The following PCDHGA2 variants were observed in gnomAD, a reference collection of about 807,000 sequenced individuals.
The protein encoded by PCDHGA2 is protocadherin gamma subfamily A, 2.
Under a neutral mutation model 59.2 loss-of-function variants are expected in PCDHGA2, and 40 were observed. That is an observed-to-expected ratio of 0.68 (90% CI 0.52 to 0.88). The LOEUF (loss-of-function observed/expected upper bound fraction) is 0.88. Among genes scored for constraint, PCDHGA2 ranks in the 40% least tolerant of loss-of-function variants. PCDHGA2 has a pLI of 0.00. For missense variants in PCDHGA2, 1,226 were observed against 1,204.0 expected (o/e 1.02, Z -0.27); for synonymous variants, 560 against 526.0 (o/e 1.06, Z -0.89).
chr5:141,469,618 T>C (rs1284372508), intron 1 of PCDHGA2, among the ~76,000 whole-genome samples: 1 of 152,148 alleles, frequency 6.6e-6, no homozygotes, highest in Non-Finnish European at 1.5e-5. Context: ...ATAAAATAAA[T>C]GTTTGTAGTT....
intron 1 of PCDHGA2, among the ~76,000 whole-genome samples, chr5:141,358,590 C>T (rs1250031293): frequency 1.3e-5 from 2 of 152,218 alleles, no homozygotes; most frequent in Non-Finnish European, 2.9e-5. Flanking sequence ...TCCTCTGGTG[C>T]ACTCCTGTGA....
intron 1 of PCDHGA2, among the ~76,000 whole-genome samples, chr5:141,354,849 T>C (rs950733549): frequency 4.6e-5 from 7 of 152,232 alleles, no homozygotes; most frequent in Non-Finnish European, 7.3e-5. Context: ...TCTTGAATTT[T>C]CATTGCAAAT....
chr5:141,492,553 G>C (rs1184580300), intron 1 of PCDHGA2, among the ~76,000 whole-genome samples: 1 of 152,148 alleles, frequency 6.6e-6, no homozygotes, highest in Non-Finnish European at 1.5e-5. Flanking sequence ...CGGGTCGCCT[G>C]GGGGGCGGCC....
intron 1 of PCDHGA2, chr5:141,343,897 A>C (rs763761194): frequency 1.8e-5 from 14 of 780,324 alleles, no homozygotes; most frequent in Admixed American, 1.5e-4. Flanking sequence ...GCGGCTGCCA[A>C]CCTCACCTCT....
intron 1 of PCDHGA2, among the ~76,000 whole-genome samples, chr5:141,472,980 C>CA (rs60579131): frequency 0.042 from 3,623 of 85,966 alleles, 71 homozygotes; most frequent in South Asian, 0.079. Context: ...GAGTGAAACT[C>CA]AAAAAAAAAA....
intron 1 of PCDHGA2, chr5:141,360,147 C>T (rs1381094393): frequency 7.5e-6 from 12 of 1,600,974 alleles, no homozygotes; most frequent in Non-Finnish European, 1.0e-5. Flanking sequence ...TGAAAGCGAG[C>T]TCAGGGAGGT....
At chr5:141,399,376 A>T in intron 1 of PCDHGA2, 1 of 1,613,956 alleles carries the variant, frequency 6.2e-7, no homozygotes, top group Non-Finnish European at 8.5e-7. Context: ...GTACAATGTC[A>T]CCATCACAGC....
intron 1 of PCDHGA2, chr5:141,426,340 C>A: frequency 5.3e-6 from 1 of 190,288 alleles, no homozygotes; most frequent in Non-Finnish European, 1.1e-5. Flanking sequence ...AGCACTCTTC[C>A]CTTTCCTGCT....
chr5:141,371,628 C>G (rs1247615659), intron 1 of PCDHGA2: 1 of 1,614,006 alleles, frequency 6.2e-7, no homozygotes, highest in Non-Finnish European at 8.5e-7. Flanking sequence ...AGCCCTGGAC[C>G]GGGAGCAGAT....
At chr5:141,343,995 T>A (rs375713562) in intron 1 of PCDHGA2, 5 of 1,486,554 alleles carry the variant, frequency 3.4e-6, no homozygotes, top group Non-Finnish European at 4.5e-6. Context: ...CGTAGGAAAC[T>A]GGAACCGAAT....
chr5:141,399,018 T>C lies in PCDHGA2; in HGVS notation c.2424+57623T>C. 5 of 1,613,892 alleles carry C rather than the reference T, an allele frequency of 3.1e-6. No individual in the cohort carries two copies. The South Asian group carries it at 3.3e-5, about 11-fold the overall frequency. On this transcript the variant is annotated intron_variant, in intron 1 of 3. Coordinates refer to ENST00000394576, the MANE Select transcript of PCDHGA2 (RefSeq NM_018915.4). ...GTCTGAATTCAAAGAGCGGAGAAATTACCACTCAAAAGAAACTGGATTTTG... is the reference window on the plus strand; with the variant it reads ...GTCTGAATTCAAAGAGCGGAGAAATCACCACTCAAAAGAAACTGGATTTTG...
chr5:141,462,431 T>G (rs1345184304), intron 1 of PCDHGA2, among the ~76,000 whole-genome samples: 1 of 152,246 alleles, frequency 6.6e-6, no homozygotes, highest in East Asian at 1.9e-4. Context: ...TGGTGAGTGT[T>G]GCTTACACAC....
chr5:141,370,738 A>G, intron 1 of PCDHGA2: 2 of 1,613,902 alleles, frequency 1.2e-6, no homozygotes, highest in Non-Finnish European at 1.7e-6. Context: ...AAGCCTTTAA[A>G]CTTTTTTCAT....
chr5:141,438,658 G>GTA (rs2098048375), intron 1 of PCDHGA2, among the ~76,000 whole-genome samples: 7 of 77,996 alleles, frequency 9.0e-5, no homozygotes, highest in African/African-American at 1.9e-4. Flanking sequence ...ACACATATAT[G>GTA]TATATATATA....
intron 1 of PCDHGA2, chr5:141,376,285 C>T (rs1303749719): frequency 5.0e-6 from 8 of 1,614,112 alleles, no homozygotes; most frequent in Admixed American, 1.7e-5. Flanking sequence ...GCTTAGCGAG[C>T]ATGCCCGGCT....
chr5:141,499,634 C>A (rs1194596079), intron 2 of PCDHGA2, among the ~76,000 whole-genome samples: 1 of 151,220 alleles, frequency 6.6e-6, no homozygotes, highest in Non-Finnish European at 1.5e-5. Flanking sequence ...TCTTTTGAAG[C>A]AAATCTCAGA....
Position 141,489,606 on chromosome 5 carries a change from G to A in PCDHGA2, c.2425-5201G>A. The stretch of plus-strand genomic sequence containing the variant: ...TGGAGCTAATCCGTGTAGAGGTAGA[G>A]ATCCTGGATCTCAATGACAACTCTC... On this transcript the variant is annotated intron_variant, in intron 1 of 3. Coordinates refer to ENST00000394576, the MANE Select transcript of PCDHGA2 (RefSeq NM_018915.4). This position sits in a 1 kb window ranked among gnomAD's most constrained non-coding sequence, Gnocchi z 4.5. The A allele has an allele frequency of 6.2e-7, 1 of 1,614,110 alleles. No homozygotes were observed.
chr5:141,364,532 T>A (rs1461835311), intron 1 of PCDHGA2: 2 of 1,613,962 alleles, frequency 1.2e-6, no homozygotes. Flanking sequence ...CCGCATCGTC[T>A]CCAGAGGTAG....
chr5:141,423,758 G>C lies in PCDHGA2; in HGVS notation c.2425-71049G>C, dbSNP rs1192987646. 54 of 366,760 alleles carry C rather than the reference G, an allele frequency of 1.5e-4. 3 individuals carry two copies. The highest frequency in any genetic ancestry group is 1.4e-4 in the Non-Finnish European group (36 of 259,732). 22.7% of individuals were successfully genotyped at this position (366,760 alleles called of 1,614,324 possible). A position where few individuals can be genotyped will look rare whatever the true frequency, so the allele number is the denominator to read the frequency against. Reference sequence around the variant, plus strand: ...CTGTTATGAAAACTGTTTGGGGGGGGGGTGGGGCGGCATATATTTAGTTCA... The same window carrying C: ...CTGTTATGAAAACTGTTTGGGGGGGCGGTGGGGCGGCATATATTTAGTTCA... On this transcript the variant is annotated intron_variant, in intron 1 of 3. Transcript: ENST00000394576.
Sources: allele counts gnomAD v4.1 joint callset (sites outside exome capture counted in the v4.1 genomes callset), GRCh38; gene constraint gnomAD v4.1.1; non-coding constraint Gnocchi (gnomAD v3.1); transcripts MANE v1.5; gene names NCBI Gene and HGNC (gene_info 2026-07-23, HGNC 2026-07-21).